TMEM120B: variants seen among roughly 807,000 people sequenced by gnomAD.
TMEM120B encodes the protein transmembrane protein 120B.
In TMEM120B, 31 loss-of-function variants were observed where a neutral mutation model predicts 55.5. That is an observed-to-expected ratio of 0.56 (90% confidence interval 0.42 to 0.75). TMEM120B has a LOEUF of 0.75. TMEM120B is among the 30% of genes least tolerant of loss of function. The probability of loss-of-function intolerance (pLI) is 0.00; values close to 1 mark genes in which losing one functional copy is unlikely to be tolerated. For missense variants in TMEM120B, 399 were observed against 425.5 expected, an observed-to-expected ratio of 0.94 and a Z score of 0.55; for synonymous variants, 203 against 176.3, an observed-to-expected ratio of 1.15 and a Z score of -1.20.
At chr12:121,768,658 G>T (rs1873924023) in intron 6 of TMEM120B, among the ~76,000 whole-genome samples, 1 of 152,206 alleles carries the variant, frequency 6.6e-6, no homozygotes, top group African/African-American at 2.4e-5. Flanking sequence ...GGAGTTGGCT[G>T]CTCCTGGGTG....
At chr12:121,725,961 T>C (rs1486232643) in intron 1 of TMEM120B, among the ~76,000 whole-genome samples, 1 of 148,024 alleles carries the variant, frequency 6.8e-6, no homozygotes, top group Non-Finnish European at 1.5e-5. Flanking sequence ...GGCTTGAACC[T>C]GAGAGGCGGA....
At chr12:121,774,766 C>G (rs759246658) in intron 10 of TMEM120B, 44 bp downstream of exon 10, 1 of 1,597,618 alleles carries the variant, frequency 6.3e-7, no homozygotes, top group Non-Finnish European at 8.6e-7. Flanking sequence ...TCTGGGCTGA[C>G]CCCCAGGAAC....
chr12:121,726,151 T>C (rs970046857), intron 1 of TMEM120B, among the ~76,000 whole-genome samples: 2 of 152,000 alleles, frequency 1.3e-5, no homozygotes, highest in African/African-American at 2.4e-5. Flanking sequence ...GGGGATCTTA[T>C]TGGGTGATAG....
intron 3 of TMEM120B, 51 bp downstream of exon 3, chr12:121,748,493 AGCACAGCTGGTCCATATAACTCTC>A (rs1159033872): frequency 7.8e-7 from 1 of 1,274,620 alleles, no homozygotes; most frequent in South Asian, 1.3e-5. Context: ...GCCCAGGCCT[AGCACAGCTGGTCCATATAACTCTC>A]GCCTTCCTGC....
At chr12:121,744,674 T>C (rs1469566662) in intron 2 of TMEM120B, among the ~76,000 whole-genome samples, 2 of 152,186 alleles carry the variant, frequency 1.3e-5, no homozygotes, top group Admixed American at 1.3e-4. Flanking sequence ...AGGGGCCCAG[T>C]GGATGCCGTG....
At chr12:121,744,646 C>T (rs1873029819) in intron 2 of TMEM120B, among the ~76,000 whole-genome samples, 1 of 152,206 alleles carries the variant, frequency 6.6e-6, no homozygotes. Flanking sequence ...GGGAAGTCCC[C>T]TCCTGCCTGG....
At position 121,777,719 on chromosome 12, in the gene TMEM120B, C is replaced by T. The variant is rs1370780447; in HGVS notation, c.*1997C>T. The T allele has an allele frequency of 6.6e-6, 1 of 152,196 alleles. No individual in the cohort carries two copies. Among genetic ancestry groups the T allele is most frequent in the East Asian group, 1.9e-4 (1 of 5,198 alleles). 9.4% of individuals were successfully genotyped at this position (152,196 alleles called of 1,614,324 possible). A position where few individuals can be genotyped will look rare whatever the true frequency, so the allele number is the denominator to read the frequency against. ...GTGGCAGCTACTCTTCACCTGCAGC[C>T]CCAGAGCACAAGGCAATGCAGAAAG... is the stretch of plus-strand genomic sequence containing the variant. On this transcript the variant is annotated 3_prime_UTR_variant, in exon 12 of 12. Transcript: ENST00000449592.
chr12:121,722,650 AAAC>A (rs1260251272), intron 1 of TMEM120B, among the ~76,000 whole-genome samples: 2 of 152,178 alleles, frequency 1.3e-5, no homozygotes, highest in Non-Finnish European at 2.9e-5. Context: ...AAAACATTGA[AAAC>A]AACACAGTAT....
chr12:121,719,174 G>A (rs1275125466), intron 1 of TMEM120B, among the ~76,000 whole-genome samples: 2 of 152,040 alleles, frequency 1.3e-5, no homozygotes, highest in East Asian at 3.8e-4. Flanking sequence ...TGGGATCAGT[G>A]CCACCACACT....
chr12:121,779,844 T>TGCAGC lies in TMEM120B; in HGVS notation c.*4123_*4127dup, dbSNP rs1355146592. ...TGGGTGGAATGGAGGGCCAGGGCAGTGCAGCCCGCAGGTTGGAAGAAGCCC... is the reference window on the plus strand; with the variant it reads ...TGGGTGGAATGGAGGGCCAGGGCAGTGCAGCGCAGCCCGCAGGTTGGAAGAAGCCC... On this transcript the variant is annotated 3_prime_UTR_variant, in exon 12 of 12. Transcript: ENST00000449592. 4.7e-6 allele frequency: 3 copies of TGCAGC among 639,924 alleles called. No homozygotes were observed. In the African/African-American group the frequency reaches 5.5e-5, roughly 12 times the overall value. 39.6% of individuals were successfully genotyped at this position (639,924 alleles called of 1,614,324 possible).
At position 121,770,983 on chromosome 12, in the gene TMEM120B, C is replaced by T; in HGVS notation, c.617+11C>T. ...AGTGATGCTGACCTGGTGAGTAGCC[C>T]CTCGCTGGGCCCCTCCAGCCTCCCA... On this transcript the variant is annotated intron_variant, in intron 7 of 11. Coordinates refer to ENST00000449592, the MANE Select transcript of TMEM120B (RefSeq NM_001080825.2). 5 of 1,613,186 alleles carry T rather than the reference C, an allele frequency of 3.1e-6. No individual in the cohort carries two copies. The highest frequency in any genetic ancestry group is 4.2e-6 in the Non-Finnish European group (5 of 1,179,632).
At chr12:121,726,076 A>G (rs1290229633) in intron 1 of TMEM120B, among the ~76,000 whole-genome samples, 1 of 151,348 alleles carries the variant, frequency 6.6e-6, no homozygotes, top group African/African-American at 2.4e-5. Flanking sequence ...CTGGACAGAA[A>G]GGTGGTTAAA....
At chr12:121,745,010 C>G (rs1107242) in intron 2 of TMEM120B, among the ~76,000 whole-genome samples, 1 of 152,110 alleles carries the variant, frequency 6.6e-6, no homozygotes, top group African/African-American at 2.4e-5. Context: ...ATGGCGAACC[C>G]CAGCACTATT....
chr12:121,775,071 C>T lies in TMEM120B; in HGVS notation c.847C>T (p.Leu283Phe). The T allele has an allele frequency of 6.2e-7, 1 of 1,612,104 alleles. No homozygotes were observed. The highest frequency in any genetic ancestry group is 1.1e-5 in the South Asian group (1 of 91,022). The change falls in exon 11 of 12, where the codon CTC (leucine) becomes TTC (phenylalanine). Residue 283 changes from leucine to phenylalanine, a missense_variant. Around this residue, in one of 3 missense-constraint regions of TMEM120B, gnomAD observed 260 missense variants for 303.9 expected, o/e 0.86. Coordinates refer to ENST00000449592, the MANE Select transcript of TMEM120B (RefSeq NM_001080825.2). The surrounding 1 kb of genome is among the most constrained non-coding windows in gnomAD (Gnocchi z 4.3). ...CTGCCTTCCTCTCCAGTTCTGGCAG[C>T]TCTACAATGCCGTCACGCTGTTTGA... ...PFLFCGHFWQ[L>F]YNAVTLFELS... is the part of the protein sequence containing the mutation.
intron 1 of TMEM120B, among the ~76,000 whole-genome samples, chr12:121,717,533 C>T (rs1894722205): frequency 6.6e-6 from 1 of 152,174 alleles, no homozygotes; most frequent in Non-Finnish European, 1.5e-5. Context: ...AGTGCAGGAG[C>T]CAGGATTCGA....
rs542879856 is a variant in TMEM120B, at chr12:121,781,385, C to T, written c.*5663C>T. On this transcript the variant is annotated 3_prime_UTR_variant, in exon 12 of 12. Coordinates refer to ENST00000449592, the MANE Select transcript of TMEM120B (RefSeq NM_001080825.2). ...ACTCGGGAGGCTGAGGCCGGAGGATCGCTTGAGCCCAGGAGGTCAAGGCTA... is the reference window on the plus strand; with the variant it reads ...ACTCGGGAGGCTGAGGCCGGAGGATTGCTTGAGCCCAGGAGGTCAAGGCTA... 5.1e-5 allele frequency: 29 copies of T among 565,188 alleles called. No homozygotes were observed. The highest frequency in any genetic ancestry group is 3.4e-4 in the South Asian group (17 of 50,084). The allele number at this position is 565,188 out of a possible 1,614,324, so 35.0% of individuals were successfully genotyped here. A position where few individuals can be genotyped will look rare whatever the true frequency, so the allele number is the denominator to read the frequency against.
chr12:121,736,619 A>G (rs1895122058), intron 1 of TMEM120B, among the ~76,000 whole-genome samples: 1 of 151,930 alleles, frequency 6.6e-6, no homozygotes, highest in African/African-American at 2.4e-5. Context: ...GCACACTCTC[A>G]GCACACTGCA....
chr12:121,767,160 T>TTTTTG (rs1222694823), intron 6 of TMEM120B, among the ~76,000 whole-genome samples: 1 of 151,870 alleles, frequency 6.6e-6, no homozygotes, highest in Non-Finnish European at 1.5e-5. Context: ...CAAGGTTTCT[T>TTTTTG]TTTTGTTTTG....
chr12:121,763,744 A>G (rs1384466756), intron 6 of TMEM120B, among the ~76,000 whole-genome samples: 1 of 152,088 alleles, frequency 6.6e-6, no homozygotes. Flanking sequence ...CGCCCTGCCA[A>G]CGTGCCATTC....
Sources: gnomAD v4.1 joint callset for allele counts (sites outside exome capture counted in the v4.1 genomes callset) on GRCh38, gnomAD v4.1.1 for gene constraint, gnomAD v4.1.1 regional missense constraint, Gnocchi (gnomAD v3.1) non-coding constraint, MANE v1.5 for transcripts, NCBI Gene and HGNC (gene_info 2026-07-23, HGNC 2026-07-21) for gene names.